The following SHISA9 variants were observed in gnomAD, a reference collection of about 807,000 sequenced individuals.
The protein encoded by SHISA9 is protein shisa-9.
A neutral mutation model predicts 38.0 loss-of-function variants in SHISA9; 13 were observed. The observed-to-expected ratio is 0.34, with a 90% CI of 0.22 to 0.54. The LOEUF (loss-of-function observed/expected upper bound fraction) is 0.54. SHISA9 is among the 20% of genes least tolerant of loss of function. The probability of loss-of-function intolerance (pLI) is 0.91; values close to 1 mark genes in which losing one functional copy is unlikely to be tolerated. For missense variants in SHISA9, 538 were observed against 575.8 expected, an observed-to-expected ratio of 0.93 and a Z score of 0.67; for synonymous variants, 275 against 242.0, an observed-to-expected ratio of 1.14 and a Z score of -1.27.
At chr16:13,333,833 C>T in the SHISA9 span, among the ~76,000 whole-genome samples, 4 of 152,210 alleles carry the variant, frequency 2.6e-5, no homozygotes, top group African/African-American at 7.2e-5. Context: ...CCCTGCTTGC[C>T]GATATAATTT....
At position 13,237,480 on chromosome 16, in the gene SHISA9, T is replaced by A. The variant is rs982009509; in HGVS notation, c.*2071T>A. The A allele has an allele frequency of 2.0e-5, 3 of 151,976 alleles. No homozygotes were observed. Among genetic ancestry groups the A allele is most frequent in the Non-Finnish European group, 4.4e-5 (3 of 68,028 alleles). The allele number at this position is 151,976 out of a possible 1,614,324, so 9.4% of individuals were successfully genotyped here. On this transcript the variant is annotated 3_prime_UTR_variant, in exon 5 of 5. Coordinates refer to ENST00000558583, the MANE Select transcript of SHISA9 (RefSeq NM_001145204.3). ...GAGTTTGAGATCAGCCTGGTCAACA[T>A]GGTGAAACCCCGTCTCTACTAAAAA...
At chr16:13,229,649 G>T (rs1247543651) in intron 4 of SHISA9, among the ~76,000 whole-genome samples, 2 of 152,214 alleles carry the variant, frequency 1.3e-5, no homozygotes, top group African/African-American at 4.8e-5. Flanking sequence ...TGATTTCCAT[G>T]TACTGCCAGG....
chr16:13,167,109 G>A (rs1402607287), intron 2 of SHISA9, among the ~76,000 whole-genome samples: 1 of 94,576 alleles, frequency 1.1e-5, no homozygotes, highest in African/African-American at 4.3e-5. Flanking sequence ...TTTCGCTCTT[G>A]TTGCCCAGGC....
chr16:13,044,762 G>A (rs148278002), intron 2 of SHISA9, among the ~76,000 whole-genome samples: 1,557 of 152,284 alleles, frequency 0.01, 14 homozygotes, highest in Non-Finnish European at 0.016. Flanking sequence ...ATTGTGTGAC[G>A]AATGCCACAC....
chr16:12,974,479 G>GGTTTTTTTTTTTTTTTTTT (rs2072128213), intron 2 of SHISA9, among the ~76,000 whole-genome samples: 1 of 91,766 alleles, frequency 1.1e-5, no homozygotes, highest in African/African-American at 4.3e-5. Context: ...ATTTCTGGTG[G>GGTTTTTTTTTTTTTTTTTT]TTTTTTTTTT....
the SHISA9 span, among the ~76,000 whole-genome samples, chr16:13,298,567 C>T: frequency 6.6e-6 from 1 of 152,244 alleles, no homozygotes; most frequent in East Asian, 1.9e-4. Flanking sequence ...GTACATTCCT[C>T]AGGATCACCA....
At chr16:13,460,990 CTT>C in the SHISA9 span, among the ~76,000 whole-genome samples, 1 of 152,190 alleles carries the variant, frequency 6.6e-6, no homozygotes, top group Non-Finnish European at 1.5e-5. Context: ...CTACTTGTGT[CTT>C]TTGCTGTCTC....
chr16:13,089,036 T>C (rs1195171087), intron 2 of SHISA9, among the ~76,000 whole-genome samples: 1 of 152,226 alleles, frequency 6.6e-6, no homozygotes, highest in Non-Finnish European at 1.5e-5. Context: ...TGAATTTTGT[T>C]GAAGGCCTTT....
the SHISA9 span, among the ~76,000 whole-genome samples, chr16:13,493,816 G>C: frequency 1.3e-5 from 2 of 152,162 alleles, no homozygotes; most frequent in Admixed American, 6.5e-5. Flanking sequence ...TTATAGAAGG[G>C]AAGAAGACAC....
chr16:13,268,725 G>A, the SHISA9 span, among the ~76,000 whole-genome samples: 2 of 152,234 alleles, frequency 1.3e-5, no homozygotes, highest in African/African-American at 2.4e-5. Context: ...GAGCTGAAAT[G>A]TCTTCATATT....
At chr16:13,136,396 C>CTT (rs35122409) in intron 2 of SHISA9, among the ~76,000 whole-genome samples, 2,261 of 67,794 alleles carry the variant, frequency 0.033, 46 homozygotes, top group African/African-American at 0.077. Flanking sequence ...CAGTTTCCTT[C>CTT]TTTTTTTTTT....
At chr16:13,025,469 A>G (rs1295526185) in intron 2 of SHISA9, among the ~76,000 whole-genome samples, 2 of 152,142 alleles carry the variant, frequency 1.3e-5, no homozygotes, top group African/African-American at 4.8e-5. Flanking sequence ...GGATCCTGGA[A>G]CCCCTGAGGA....
At chr16:13,219,284 A>G (rs191558200) in intron 4 of SHISA9, among the ~76,000 whole-genome samples, 1 of 152,358 alleles carries the variant, frequency 6.6e-6, no homozygotes, top group African/African-American at 2.4e-5. Flanking sequence ...CACTCACAGC[A>G]CACACAGTAG....
chr16:13,037,861 A>G (rs543895844), intron 2 of SHISA9, among the ~76,000 whole-genome samples: 1 of 152,352 alleles, frequency 6.6e-6, no homozygotes, highest in Admixed American at 6.5e-5. Flanking sequence ...AGGGTCACTT[A>G]AAAATCAGAG....
chr16:13,403,961 C>A, the SHISA9 span, among the ~76,000 whole-genome samples: 1 of 152,122 alleles, frequency 6.6e-6, no homozygotes, highest in East Asian at 1.9e-4. Flanking sequence ...CCTATCAAGT[C>A]AGAGTTTGAT....
At chr16:13,242,460 G>C (rs964526258), downstream of SHISA9, among the ~76,000 whole-genome samples, 2 of 152,154 alleles carry the variant, frequency 1.3e-5, no homozygotes, top group Non-Finnish European at 2.9e-5. Context: ...ACATCTGTGG[G>C]ATCATCCCAA....
the SHISA9 span, among the ~76,000 whole-genome samples, chr16:13,546,440 A>G: frequency 6.6e-6 from 1 of 152,220 alleles, no homozygotes; most frequent in South Asian, 2.1e-4. Flanking sequence ...TTTGTCTGGG[A>G]AAGAATTTAT....
chr16:13,408,449 C>G, the SHISA9 span, among the ~76,000 whole-genome samples: 2 of 152,060 alleles, frequency 1.3e-5, no homozygotes, highest in Non-Finnish European at 2.9e-5. Context: ...GCAGGATGGT[C>G]TGTCTTCATA....
At chr16:13,494,345 C>T in the SHISA9 span, among the ~76,000 whole-genome samples, 1 of 152,162 alleles carries the variant, frequency 6.6e-6, no homozygotes, top group South Asian at 2.1e-4. Flanking sequence ...TACAGGTGAA[C>T]AATTGGGGAC....
Sources: allele counts gnomAD v4.1 joint callset (sites outside exome capture counted in the v4.1 genomes callset), GRCh38; gene constraint gnomAD v4.1.1; transcripts MANE v1.5; gene names NCBI Gene and HGNC (gene_info 2026-07-23, HGNC 2026-07-21).